PCDHA12: variants seen among roughly 807,000 people sequenced by gnomAD.
The protein encoded by PCDHA12 is protocadherin alpha-12.
Under a neutral mutation model 60.0 loss-of-function variants are expected in PCDHA12, and 44 were observed. The observed-to-expected ratio is 0.73, with a 90% CI of 0.58 to 0.94. The LOEUF (loss-of-function observed/expected upper bound fraction) is 0.94. Among genes scored for constraint, PCDHA12 ranks in the 40% least tolerant of loss-of-function variants. PCDHA12 has a pLI of 0.00. For missense variants in PCDHA12, 1,276 were observed against 1,239.7 expected, an observed-to-expected ratio of 1.03 and a Z score of -0.44; for synonymous variants, 569 against 553.0, an observed-to-expected ratio of 1.03 and a Z score of -0.40.
intron 1 of PCDHA12, chr5:140,968,919 T>C (rs2096279642): frequency 1.2e-6 from 2 of 1,614,116 alleles, no homozygotes; most frequent in South Asian, 1.1e-5. Flanking sequence ...GTGTCTTTTA[T>C]ATTTCTTTTG....
At chr5:140,917,037 GCA>G (rs2077840325) in intron 1 of PCDHA12, among the ~76,000 whole-genome samples, 1 of 152,268 alleles carries the variant, frequency 6.6e-6, no homozygotes, top group African/African-American at 2.4e-5. Context: ...GCTGAGTCCA[GCA>G]CAGTGTTGTT....
chr5:140,877,807 T>C lies in PCDHA12; in HGVS notation c.2335T>C (p.Ser779Pro). The change falls in exon 1 of 4, where the codon TCT becomes CCT. Residue 779 changes from serine to proline, a missense_variant. Coordinates refer to ENST00000398631, the MANE Select transcript of PCDHA12 (RefSeq NM_018903.4). ...LMAFSPSLQLSREDCLNPPSE... is the reference protein window; with the variant it reads ...LMAFSPSLQLPREDCLNPPSE... ...GGCCTTCAGCCCAAGCCTTCAGCTG[T>C]CTCGAGAAGATTGTTTAAATCCTCC... 1 of 1,611,556 alleles carries C rather than the reference T, an allele frequency of 6.2e-7. No homozygotes were observed. Among genetic ancestry groups the C allele is most frequent in the Non-Finnish European group, 8.5e-7 (1 of 1,179,102 alleles).
intron 3 of PCDHA12, among the ~76,000 whole-genome samples, chr5:141,008,840 T>C (rs2098392722): frequency 6.6e-6 from 1 of 152,188 alleles, no homozygotes; most frequent in African/African-American, 2.4e-5. Context: ...CCTCTTACGC[T>C]GTGTATTCCC....
intron 1 of PCDHA12, among the ~76,000 whole-genome samples, chr5:140,903,619 A>T (rs1272385465): frequency 1.3e-5 from 2 of 152,226 alleles, no homozygotes; most frequent in African/African-American, 2.4e-5. Flanking sequence ...ATGAATGTGC[A>T]TGCATATGTA....
At chr5:140,987,316 G>A (rs13153056) in intron 3 of PCDHA12, among the ~76,000 whole-genome samples, 9,624 of 152,218 alleles carry the variant, frequency 0.063, 338 homozygotes, top group East Asian at 0.12. Flanking sequence ...AATGTACTGT[G>A]AAGTTTTAAG....
intron 3 of PCDHA12, among the ~76,000 whole-genome samples, chr5:141,002,176 G>C (rs1554258553): frequency 6.6e-6 from 1 of 152,242 alleles, no homozygotes; most frequent in Non-Finnish European, 1.5e-5. Context: ...GCAGGCTCCA[G>C]AGTGCTGTCT....
chr5:140,982,507 G>T lies in PCDHA12; in HGVS notation c.2459G>T (p.Arg820Leu). Reference sequence around the variant, plus strand: ...CACCTAGAGGAGGCTGGCATTCTACGGGCTGGTCCAGGAGGGCCTGATCAG... The same window carrying T: ...CACCTAGAGGAGGCTGGCATTCTACTGGCTGGTCCAGGAGGGCCTGATCAG... The part of the protein sequence containing the change: ...SVHLEEAGIL[R>L]AGPGGPDQQW... The change falls in exon 3 of 4, where the codon CGG becomes CTG. Residue 820 changes from arginine to leucine, a missense_variant. Physicochemically the swap from Arg to Leu is moderately radical, Grantham distance 102. Coordinates refer to ENST00000398631, the MANE Select transcript of PCDHA12 (RefSeq NM_018903.4). 6.2e-7 allele frequency: 1 copy of T among 1,614,138 alleles called. No homozygotes were observed. Among genetic ancestry groups the T allele is most frequent in the Non-Finnish European group, 8.5e-7 (1 of 1,180,018 alleles).
intron 1 of PCDHA12, among the ~76,000 whole-genome samples, chr5:140,976,181 A>G (rs1334452758): frequency 6.6e-6 from 1 of 152,208 alleles, no homozygotes; most frequent in Non-Finnish European, 1.5e-5. Flanking sequence ...ATTGTTTTAA[A>G]TCAATATCCT....
intron 1 of PCDHA12, among the ~76,000 whole-genome samples, chr5:140,956,852 G>T (rs931766503): frequency 3.3e-5 from 5 of 152,060 alleles, no homozygotes; most frequent in African/African-American, 1.2e-4. Context: ...TGGGTTAAAT[G>T]GTTGAATGAA....
At chr5:140,926,607 C>T (rs887450914) in intron 1 of PCDHA12, 1 of 348,974 alleles carries the variant, frequency 2.9e-6, no homozygotes, top group Non-Finnish European at 5.1e-6. Context: ...GGCCTCGTCT[C>T]TGCACCCCTA....
rs1200077477 is a variant in PCDHA12, at chr5:140,898,429, C to T, written c.2367+20590C>T. 2.1e-3 allele frequency among the ~76,000 whole-genome samples: 312 copies of T among 150,132 alleles called. 2 individuals are homozygous for T. Among genetic ancestry groups the T allele is most frequent in the African/African-American group, 7.3e-3 (294 of 40,066 alleles). On this transcript the variant is annotated intron_variant, in intron 1 of 3. Coordinates refer to ENST00000398631, the MANE Select transcript of PCDHA12 (RefSeq NM_018903.4). ...ATACGGCTAGCCAGTTTTCCCAGCACCATTTATTAAATAGGGAATCCTTTC... is the reference window on the plus strand; with the variant it reads ...ATACGGCTAGCCAGTTTTCCCAGCATCATTTATTAAATAGGGAATCCTTTC...
chr5:141,000,392 T>TATAA (rs2097913276), intron 3 of PCDHA12, among the ~76,000 whole-genome samples: 1 of 62,986 alleles, frequency 1.6e-5, no homozygotes, highest in African/African-American at 7.3e-5. Context: ...TCTCTCTCTC[T>TATAA]CTCTATATAT....
intron 1 of PCDHA12, among the ~76,000 whole-genome samples, chr5:140,914,030 G>A (rs2076568173): frequency 1.3e-5 from 2 of 152,180 alleles, no homozygotes; most frequent in South Asian, 4.1e-4. Flanking sequence ...CACGTGCTGA[G>A]AAGAATGTGT....
rs782727100 is a variant in PCDHA12, at chr5:140,877,121, C to G, written c.1649C>G (p.Thr550Arg). 12 of 1,613,694 alleles carry G rather than the reference C, an allele frequency of 7.4e-6. No homozygotes were observed. In the South Asian group the frequency reaches 8.8e-5, roughly 12 times the overall value. ...AGVPPLGSNV[T>R]LQVFVLDEND... ...GTGCCGCCTCTGGGCAGCAACGTGA[C>G]GCTGCAGGTGTTCGTGCTGGACGAG... is the stretch of plus-strand genomic sequence containing the variant. The change falls in exon 1 of 4, where the codon ACG becomes AGG. Residue 550 changes from threonine (T) to arginine (R), a missense_variant. Physicochemically the swap from Thr to Arg is moderately conservative, Grantham distance 71 (BLOSUM62 -1). Coordinates refer to ENST00000398631, the MANE Select transcript of PCDHA12 (RefSeq NM_018903.4).
At chr5:140,947,086 CTG>C (rs1554218047) in intron 1 of PCDHA12, among the ~76,000 whole-genome samples, 1 of 151,518 alleles carries the variant, frequency 6.6e-6, no homozygotes, top group African/African-American at 2.4e-5. Context: ...AAACATCAGA[CTG>C]TAGCCCATAA....
chr5:140,936,151 C>T (rs947807537), intron 1 of PCDHA12, among the ~76,000 whole-genome samples: 66 of 152,246 alleles, frequency 4.3e-4, no homozygotes, highest in African/African-American at 1.5e-3. Context: ...CCTTGGCCTC[C>T]TAAAGTGCTG....
chr5:140,967,810 C>T, intron 1 of PCDHA12: 1 of 1,614,176 alleles, frequency 6.2e-7, no homozygotes, highest in Non-Finnish European at 8.5e-7. Context: ...TGGCAGGTCA[C>T]TGCAAGGTGC....
intron 3 of PCDHA12, among the ~76,000 whole-genome samples, chr5:141,004,019 A>G (rs2098147783): frequency 6.6e-6 from 1 of 152,244 alleles, no homozygotes; most frequent in South Asian, 2.1e-4. Flanking sequence ...CACTGAAAGA[A>G]GAAACATTTC....
intron 1 of PCDHA12, among the ~76,000 whole-genome samples, chr5:140,898,029 TG>T (rs1583292931): frequency 6.6e-6 from 1 of 152,188 alleles, no homozygotes; most frequent in East Asian, 1.9e-4. Context: ...CACTTTTTGA[TG>T]GGGTTGTTTG....
Sources: gnomAD v4.1 joint callset for allele counts (sites outside exome capture counted in the v4.1 genomes callset) on GRCh38, gnomAD v4.1.1 for gene constraint, MANE v1.5 for transcripts, NCBI Gene and HGNC (gene_info 2026-07-23, HGNC 2026-07-21) for gene names.